Variants in AGBL1 observed in about 807,000 individuals in gnomAD.
AGBL1 encodes the protein cytosolic carboxypeptidase 4.
A neutral mutation model predicts 118.9 loss-of-function variants in AGBL1; 130 were observed. The ratio of observed to expected loss-of-function variants is 1.09; its 90% CI spans 0.95 to 1.26. The LOEUF is 1.26. AGBL1 is among the 50% of genes most tolerant of loss of function. AGBL1 has a pLI of 0.00. For synonymous variants in AGBL1, 555 were observed against 478.9 expected (o/e 1.16, Z -2.08); for missense variants, 1,584 against 1,298.1 (o/e 1.22, Z -3.38).
chr15:86,870,091 C>T (rs752906256), intron 22 of AGBL1, among the ~76,000 whole-genome samples: 1 of 152,114 alleles, frequency 6.6e-6, no homozygotes, highest in Admixed American at 6.5e-5. Flanking sequence ...TATTCTAACA[C>T]ACAGATAACC....
intron 22 of AGBL1, among the ~76,000 whole-genome samples, chr15:86,736,217 TA>T (rs1320533075): frequency 3.3e-5 from 5 of 152,006 alleles, no homozygotes; most frequent in African/African-American, 1.2e-4. Context: ...CCATCTCTAC[TA>T]AAAATACAAA....
intron 21 of AGBL1, among the ~76,000 whole-genome samples, chr15:86,638,699 GAA>G (rs2085143478): frequency 6.6e-6 from 1 of 152,214 alleles, no homozygotes; most frequent in Non-Finnish European, 1.5e-5. Flanking sequence ...ACTTCTGAGA[GAA>G]AGAGGAAAAT....
intron 23 of AGBL1, among the ~76,000 whole-genome samples, chr15:86,921,267 GA>G (rs2080479220): frequency 6.6e-6 from 1 of 152,162 alleles, no homozygotes; most frequent in African/African-American, 2.4e-5. Flanking sequence ...CCAGCCTGTG[GA>G]TGGGACTTCC....
chr15:86,340,550 G>A (rs1181503114), intron 17 of AGBL1, among the ~76,000 whole-genome samples: 1 of 152,166 alleles, frequency 6.6e-6, no homozygotes, highest in East Asian at 1.9e-4. Context: ...TCCAGAAGCT[G>A]GAAGAGGTGA....
intron 21 of AGBL1, among the ~76,000 whole-genome samples, chr15:86,597,572 TA>T (rs2084430308): frequency 6.6e-6 from 1 of 152,178 alleles, no homozygotes; most frequent in Non-Finnish European, 1.5e-5. Flanking sequence ...ATATAGCTCC[TA>T]AATACAGTAC....
intron 22 of AGBL1, among the ~76,000 whole-genome samples, chr15:86,818,234 G>T (rs956919418): frequency 2.0e-5 from 3 of 152,170 alleles, no homozygotes; most frequent in Admixed American, 6.5e-5. Context: ...CACCTAATTT[G>T]TGATATTTGT....
intron 19 of AGBL1, among the ~76,000 whole-genome samples, chr15:86,523,899 C>T (rs1596222926): frequency 6.6e-6 from 1 of 152,174 alleles, no homozygotes; most frequent in Non-Finnish European, 1.5e-5. Flanking sequence ...AAACTGTGAA[C>T]ATACCTGTCT....
chr15:86,187,462 A>C (rs2077650846), intron 5 of AGBL1, among the ~76,000 whole-genome samples: 1 of 152,198 alleles, frequency 6.6e-6, no homozygotes, highest in South Asian at 2.1e-4. Flanking sequence ...AAATAACATT[A>C]GGTCAGAAGC....
Position 86,264,793 on chromosome 15 carries a change from C to T in AGBL1, c.1622C>T (p.Pro541Leu). ...CCTGATGTCTGGGGACACTGTCCCC[C>T]TCCCACCACCCAGCCTATGTTGGAA... is the stretch of plus-strand genomic sequence containing the variant. ...AFPDVWGHCP[P>L]PTTQPMLERK... The change falls in exon 11 of 23, where the codon CCT becomes CTT. Residue 541 changes from proline to leucine, a missense_variant. Transcript: ENST00000614907. The T allele has an allele frequency of 1.2e-6, 2 of 1,613,614 alleles. No homozygotes were observed. The highest frequency in any genetic ancestry group is 1.7e-6 in the Non-Finnish European group (2 of 1,179,756).
At chr15:86,150,511 C>G (rs1401909104) in intron 3 of AGBL1, among the ~76,000 whole-genome samples, 1 of 152,314 alleles carries the variant, frequency 6.6e-6, no homozygotes, top group East Asian at 1.9e-4. Context: ...CACAAATAAA[C>G]TAGAAAATCT....
At chr15:86,111,740 A>G (rs557033724) in intron 1 of AGBL1, among the ~76,000 whole-genome samples, 2 of 152,318 alleles carry the variant, frequency 1.3e-5, no homozygotes, top group Admixed American at 6.5e-5. Flanking sequence ...CCGTCCACTG[A>G]TACAGGGGTC....
intron 17 of AGBL1, among the ~76,000 whole-genome samples, chr15:86,383,751 C>T (rs1228101326): frequency 1.3e-5 from 2 of 152,304 alleles, no homozygotes; most frequent in Non-Finnish European, 2.9e-5. Context: ...AGATACTTTG[C>T]TTCTAGAGGA....
chr15:86,227,577 A>G (rs1452391463), intron 6 of AGBL1, among the ~76,000 whole-genome samples: 4 of 152,228 alleles, frequency 2.6e-5, no homozygotes, highest in African/African-American at 9.6e-5. Context: ...AATATCCCCC[A>G]TGGGGGGTGG....
At chr15:86,819,874 C>T (rs931553451) in intron 22 of AGBL1, among the ~76,000 whole-genome samples, 1 of 152,034 alleles carries the variant, frequency 6.6e-6, no homozygotes, top group Non-Finnish European at 1.5e-5. Flanking sequence ...AGGCATCACG[C>T]TACCTGACTT....
At chr15:86,356,272 A>C (rs1358466735) in intron 17 of AGBL1, among the ~76,000 whole-genome samples, 1 of 152,116 alleles carries the variant, frequency 6.6e-6, no homozygotes, top group Non-Finnish European at 1.5e-5. Flanking sequence ...GAAAGGCCTA[A>C]GACTTTATTG....
chr15:86,501,197 G>A (rs769448708), intron 18 of AGBL1, among the ~76,000 whole-genome samples: 3 of 151,562 alleles, frequency 2.0e-5, no homozygotes, highest in Admixed American at 2.0e-4. Context: ...TTTAGCCATC[G>A]GAGTGGGTAT....
At chr15:86,312,823 G>A (rs1168875848) in intron 17 of AGBL1, among the ~76,000 whole-genome samples, 1 of 152,164 alleles carries the variant, frequency 6.6e-6, no homozygotes, top group Non-Finnish European at 1.5e-5. Context: ...ACCCCAGGAT[G>A]CTTCAACAGA....
At chr15:86,716,883 A>G (rs2086647102) in intron 22 of AGBL1, among the ~76,000 whole-genome samples, 1 of 152,170 alleles carries the variant, frequency 6.6e-6, no homozygotes, top group African/African-American at 2.4e-5. Context: ...GCCTACTGGA[A>G]CCCTTGTCCG....
intron 20 of AGBL1, among the ~76,000 whole-genome samples, chr15:86,548,801 A>G (rs2083624027): frequency 6.6e-6 from 1 of 152,036 alleles, no homozygotes; most frequent in African/African-American, 2.4e-5. Context: ...TGCATTGCTG[A>G]GACTGGATAA....
Sources: allele counts gnomAD v4.1 joint callset (sites outside exome capture counted in the v4.1 genomes callset), GRCh38; gene constraint gnomAD v4.1.1; transcripts MANE v1.5; gene names NCBI Gene and HGNC (gene_info 2026-07-23, HGNC 2026-07-21).